CYGB: variants seen among roughly 807,000 people sequenced by gnomAD.
CYGB encodes histoglobin.
A neutral mutation model predicts 20.7 loss-of-function variants in CYGB; 13 were observed. The ratio of observed to expected loss-of-function variants is 0.63; its 90% CI spans 0.41 to 1.00. The LOEUF (loss-of-function observed/expected upper bound fraction) is 1.00, where lower values mean the gene tolerates loss of function less well. CYGB is among the 50% of genes least tolerant of loss of function. CYGB has a pLI of 0.00. For synonymous variants in CYGB, 93 were observed against 107.4 expected, an observed-to-expected ratio of 0.87 and a Z score of 0.83; for missense variants, 218 against 257.2, an observed-to-expected ratio of 0.85 and a Z score of 1.04.
Position 76,528,901 on chromosome 17 carries a change from T to C in CYGB, c.540-290A>G, listed in dbSNP as rs1335592470. On this transcript the variant is annotated intron_variant, in intron 3 of 3. Transcript: ENST00000293230. This position sits in a 1 kb window ranked among gnomAD's most constrained non-coding sequence, Gnocchi z 5.8. ...CTGGGTAAAAAAGTGTTTCACAAAC[T>C]GCAAAGCACGATACCAATGTGAGCT... The C allele has an allele frequency of 8.3e-7, 1 of 1,199,456 alleles. No individual in the cohort carries two copies. Among genetic ancestry groups the C allele is most frequent in the Non-Finnish European group, 1.0e-6 (1 of 968,008 alleles). 74.3% of individuals were successfully genotyped at this position (1,199,456 alleles called of 1,614,324 possible).
At chr17:76,532,655 C>T (rs1026329626) in intron 1 of CYGB, among the ~76,000 whole-genome samples, 1 of 151,722 alleles carries the variant, frequency 6.6e-6, no homozygotes, top group African/African-American at 2.4e-5. Flanking sequence ...CCTCAGCTTC[C>T]TGAGTAGCTG....
Position 76,528,454 on chromosome 17 carries a change from G to T in CYGB, c.*124C>A. The T allele has an allele frequency of 1.1e-6, 1 of 948,456 alleles. No individual in the cohort carries two copies. Among genetic ancestry groups the T allele is most frequent in the Non-Finnish European group, 1.4e-6 (1 of 710,494 alleles). 58.8% of individuals were successfully genotyped at this position (948,456 alleles called of 1,614,324 possible). A position where few individuals can be genotyped will look rare whatever the true frequency, so the allele number is the denominator to read the frequency against. ...CCTGGCCGCCACAGAGGCCTCCTTC[G>T]GGGAAGTTGAGTCAGGGATTCCTCC... On this transcript the variant is annotated 3_prime_UTR_variant, in exon 4 of 4. Coordinates refer to ENST00000293230, the MANE Select transcript of CYGB (RefSeq NM_134268.5). The surrounding 1 kb of genome is among the most constrained non-coding windows in gnomAD (Gnocchi z 5.8).
rs997800021 is a variant in CYGB at position 76,531,404 on chromosome 17, G to T, written c.375+56C>A. 6.4e-7 allele frequency: 1 copy of T among 1,566,270 alleles called. No individual in the cohort carries two copies. Among genetic ancestry groups the T allele is most frequent in the African/African-American group, 1.3e-5 (1 of 74,212 alleles). ...AGAGCCGTCGCAGAGCCTGCGAGCT[G>T]CAGATGGCCATGACGCGTGGGCGGT... On this transcript the variant is annotated intron_variant, in intron 2 of 3. Transcript: ENST00000293230. This position sits in a 1 kb window ranked among gnomAD's most constrained non-coding sequence, Gnocchi z 7.4.
At chr17:76,543,131 T>G (rs1317137826) in intron 1 of CYGB, 1 of 470,256 alleles carries the variant, frequency 2.1e-6, no homozygotes, top group Admixed American at 2.4e-5. Flanking sequence ...GGTAGACGCC[T>G]CCCTCTCAGC....
At chr17:76,529,338 C>T in intron 3 of CYGB, 1 of 985,426 alleles carries the variant, frequency 1.0e-6, no homozygotes, top group Non-Finnish European at 1.2e-6. Context: ...TGCCAGTTTC[C>T]ACGGTAGCCC....
At chr17:76,538,551 G>C, upstream of CYGB, 1 of 463,564 alleles carries the variant, frequency 2.2e-6, no homozygotes, top group Non-Finnish European at 4.5e-6. Flanking sequence ...AGCTGGTGGC[G>C]GAGGAAGTCC....
chr17:76,540,121 A>C, upstream of CYGB: 1 of 1,593,664 alleles, frequency 6.3e-7, no homozygotes, highest in Admixed American at 1.8e-5. The surrounding 1 kb of genome is among the most constrained non-coding windows in gnomAD (Gnocchi z 5.0). Flanking sequence ...TTGGCCTGGG[A>C]GGGGATGGGG....
In CYGB at chr17:76,530,101, T is replaced by TGGGAATGTTTCTCTACCAC. The variant is rs551261639; in HGVS notation, c.539+859_539+877dup. The TGGGAATGTTTCTCTACCAC allele has an allele frequency of 5.7e-3, 5,572 of 983,196 alleles. 27 individuals carry two copies. The highest frequency in any genetic ancestry group is 6.2e-3 in the Non-Finnish European group (5,143 of 827,908). The allele number at this position is 983,196 out of a possible 1,614,324, so 60.9% of individuals were successfully genotyped here. A position where few individuals can be genotyped will look rare whatever the true frequency, so the allele number is the denominator to read the frequency against. ...CGCCGCCTTTTCCATGGGAAACTGC[T>TGGGAATGTTTCTCTACCAC]GGGAATGTTTCTCTACCACGGGAAT... is the stretch of plus-strand genomic sequence containing the variant. On this transcript the variant is annotated intron_variant, in intron 3 of 3. Transcript: ENST00000293230. This position sits in a 1 kb window ranked among gnomAD's most constrained non-coding sequence, Gnocchi z 6.1.
chr17:76,547,128 C>G (rs926494799), intron 1 of CYGB: 3 of 152,322 alleles, frequency 2.0e-5, no homozygotes, highest in Non-Finnish European at 2.9e-5. Flanking sequence ...CAAGGGCAGA[C>G]CAGACTCTAG....
chr17:76,548,075 TACAC>T (rs927515120), intron 1 of CYGB, among the ~76,000 whole-genome samples: 2 of 150,376 alleles, frequency 1.3e-5, no homozygotes, highest in Non-Finnish European at 3.0e-5. Flanking sequence ...GACATACATG[TACAC>T]ACACAAATAA....
Position 76,531,947 on chromosome 17 carries a change from C to T in CYGB, c.144-256G>A. The T allele has an allele frequency of 2.5e-6, 1 of 402,136 alleles. No individual in the cohort carries two copies. Among genetic ancestry groups the T allele is most frequent in the Non-Finnish European group, 4.5e-6 (1 of 220,242 alleles). The allele number at this position is 402,136 out of a possible 1,614,324, so 24.9% of individuals were successfully genotyped here. A position where few individuals can be genotyped will look rare whatever the true frequency, so the allele number is the denominator to read the frequency against. On this transcript the variant is annotated intron_variant, in intron 1 of 3. Coordinates refer to ENST00000293230, the MANE Select transcript of CYGB (RefSeq NM_134268.5). This position sits in a 1 kb window ranked among gnomAD's most constrained non-coding sequence, Gnocchi z 7.4. The stretch of plus-strand genomic sequence containing the variant: ...GCGGCTTCATCTCCTAGGCCTCTGT[C>T]TTCCTCGCTTCTTGCTTCCTTCCCA...
chr17:76,546,238 G>A lies in CYGB; in HGVS notation c.-53+4624C>T, dbSNP rs907526526. ...GCTGAGGGCAGCAACCAGGAGCAGG[G>A]AGGTGCTGCTCCTGCAACTGAGGCT... is the stretch of plus-strand genomic sequence containing the variant. On this transcript the variant is annotated intron_variant, in intron 1 of 3. Transcript: ENST00000589145. This position sits in a 1 kb window ranked among gnomAD's most constrained non-coding sequence, Gnocchi z 4.5. The A allele has an allele frequency of 1.3e-5, 2 of 152,336 alleles. No individual in the cohort carries two copies. Among genetic ancestry groups the A allele is most frequent in the Non-Finnish European group, 2.9e-5 (2 of 68,176 alleles). The allele number at this position is 152,336 out of a possible 1,614,324, so 9.4% of individuals were successfully genotyped here. A position where few individuals can be genotyped will look rare whatever the true frequency, so the allele number is the denominator to read the frequency against.
intron 1 of CYGB, among the ~76,000 whole-genome samples, chr17:76,548,707 G>T (rs1025325368): frequency 6.6e-6 from 1 of 152,232 alleles, no homozygotes; most frequent in Admixed American, 6.5e-5. Flanking sequence ...GGGCCCCACC[G>T]ACTTTCCCAA....
chr17:76,544,299 G>A (rs1204383964), intron 1 of CYGB: 1 of 454,484 alleles, frequency 2.2e-6, no homozygotes, highest in African/African-American at 2.0e-5. Context: ...CTTCCAGGCA[G>A]TAGAAGATGG....
chr17:76,544,869 C>T (rs1364829410), intron 1 of CYGB: 11 of 456,698 alleles, frequency 2.4e-5, no homozygotes, highest in African/African-American at 8.0e-5. Context: ...ACGGCCCAGA[C>T]GCACTTCCCC....
intron 1 of CYGB, chr17:76,545,673 A>G: frequency 3.4e-6 from 1 of 297,406 alleles, no homozygotes; most frequent in Non-Finnish European, 6.6e-6. Context: ...CAGTTTCTTT[A>G]GCTGTAGGAT....
intron 1 of CYGB, among the ~76,000 whole-genome samples, chr17:76,547,582 A>G (rs1433402315): frequency 6.6e-6 from 1 of 151,968 alleles, no homozygotes; most frequent in Non-Finnish European, 1.5e-5. Flanking sequence ...TTACTAACAG[A>G]CTCAGCCTGT....
At chr17:76,542,834 G>A (rs760185146) in intron 1 of CYGB, among the ~76,000 whole-genome samples, 1 of 152,206 alleles carries the variant, frequency 6.6e-6, no homozygotes, top group Non-Finnish European at 1.5e-5. Flanking sequence ...GGGCAAGGAT[G>A]AGTTTGAAGA....
chr17:76,528,704 C>T lies in CYGB; in HGVS notation c.540-93G>A, dbSNP rs923084557. 30 of 1,164,392 alleles carry T rather than the reference C, an allele frequency of 2.6e-5. 1 individual carries two copies. The African/African-American group carries it at 4.3e-4, about 17-fold the overall frequency. 72.1% of individuals were successfully genotyped at this position (1,164,392 alleles called of 1,614,324 possible). On this transcript the variant is annotated intron_variant, in intron 3 of 3. Transcript: ENST00000293230. The surrounding 1 kb of genome is among the most constrained non-coding windows in gnomAD (Gnocchi z 5.8). ...GGGAGGACCTGGGGCTGGCGAGGCT[C>T]ACTTCCTGCCAAGAGATCCGGCACA...
Sources: gnomAD v4.1 joint callset for allele counts (sites outside exome capture counted in the v4.1 genomes callset) on GRCh38, gnomAD v4.1.1 for gene constraint, Gnocchi (gnomAD v3.1) non-coding constraint, MANE v1.5 for transcripts, NCBI Gene and HGNC (gene_info 2026-07-23, HGNC 2026-07-21) for gene names.